EPHA3: variants seen among roughly 807,000 people sequenced by gnomAD.
EPHA3 encodes ephrin type-A receptor 3.
Under a neutral mutation model 107.1 loss-of-function variants are expected in EPHA3, and 42 were observed. That is an observed-to-expected ratio of 0.39 (90% CI 0.31 to 0.51). The LOEUF (loss-of-function observed/expected upper bound fraction) is 0.51, where lower values mean the gene tolerates loss of function less well. Ranked by LOEUF, EPHA3 falls within the 20% of genes least tolerant of loss-of-function variation. The pLI, the probability that EPHA3 is intolerant of heterozygous loss-of-function variation, is 0.78. For synonymous variants in EPHA3, 461 were observed against 424.8 expected (o/e 1.09, Z -1.05); for missense variants, 1,183 against 1,211.2 (o/e 0.98, Z 0.35).
chr3:89,153,376 C>T (rs1432453537), intron 2 of EPHA3, among the ~76,000 whole-genome samples: 1 of 151,946 alleles, frequency 6.6e-6, no homozygotes, highest in Non-Finnish European at 1.5e-5. Context: ...ATTCATATAT[C>T]CAACTTCCTT....
At chr3:89,359,284 C>T (rs1379253415) in intron 5 of EPHA3, among the ~76,000 whole-genome samples, 2 of 150,802 alleles carry the variant, frequency 1.3e-5, no homozygotes, top group African/African-American at 4.8e-5. Context: ...TCAGGTTTTA[C>T]TAGTTTGCTA....
chr3:89,473,452 T>G (rs1710445851), intron 16 of EPHA3, among the ~76,000 whole-genome samples: 1 of 152,174 alleles, frequency 6.6e-6, no homozygotes, highest in Non-Finnish European at 1.5e-5. Context: ...AGTAGAGTGT[T>G]TGGGAATTGA....
At chr3:89,188,626 C>T (rs1418736395) in intron 2 of EPHA3, among the ~76,000 whole-genome samples, 2 of 152,196 alleles carry the variant, frequency 1.3e-5, no homozygotes, top group Non-Finnish European at 2.9e-5. Context: ...TCATCATGCT[C>T]CTAAATTCCA....
chr3:89,173,784 A>G (rs1705258939), intron 2 of EPHA3, among the ~76,000 whole-genome samples: 2 of 151,996 alleles, frequency 1.3e-5, no homozygotes, highest in Admixed American at 1.3e-4. Flanking sequence ...GAGAACTAAA[A>G]CAATGTGTTT....
At chr3:89,449,524 G>C (rs542183547) in intron 14 of EPHA3, 150 bp downstream of exon 14, 11 of 603,076 alleles carry the variant, frequency 1.8e-5, no homozygotes, top group Admixed American at 1.0e-4. Flanking sequence ...GTCTTGCAAG[G>C]ATATTATATT....
chr3:89,275,395 A>T (rs920161288), intron 3 of EPHA3, among the ~76,000 whole-genome samples: 2 of 151,958 alleles, frequency 1.3e-5, no homozygotes. Context: ...CTCTACAACT[A>T]TACGTTCCCT....
At chr3:89,114,120 A>G (rs1482264276) in intron 1 of EPHA3, among the ~76,000 whole-genome samples, 3 of 152,206 alleles carry the variant, frequency 2.0e-5, no homozygotes, top group Non-Finnish European at 4.4e-5. Flanking sequence ...GCACTGTACA[A>G]ACAAACTGTT....
intron 5 of EPHA3, among the ~76,000 whole-genome samples, chr3:89,365,432 C>T (rs77426352): frequency 0.016 from 2,340 of 150,470 alleles, 65 homozygotes; most frequent in African/African-American, 0.054. Flanking sequence ...GTCATAGATA[C>T]AAAACATAAT....
chr3:89,351,646 C>A (rs1707822862), intron 5 of EPHA3, among the ~76,000 whole-genome samples: 1 of 149,734 alleles, frequency 6.7e-6, no homozygotes, highest in Admixed American at 6.7e-5. Flanking sequence ...CCTCCTGAGT[C>A]TCCATATATT....
chr3:89,262,990 T>TTA (rs1705456071), intron 3 of EPHA3, among the ~76,000 whole-genome samples: 1 of 138,786 alleles, frequency 7.2e-6, no homozygotes, highest in Non-Finnish European at 1.5e-5. Flanking sequence ...TTTTTTTTTT[T>TTA]AATTATACTT....
intron 3 of EPHA3, among the ~76,000 whole-genome samples, chr3:89,211,095 G>T (rs572504994): frequency 6.6e-6 from 1 of 151,942 alleles, no homozygotes; most frequent in African/African-American, 2.4e-5. Context: ...ATGTATACAG[G>T]CATGATTTTT....
At chr3:89,421,021 G>A (rs1709343151) in intron 11 of EPHA3, among the ~76,000 whole-genome samples, 1 of 151,336 alleles carries the variant, frequency 6.6e-6, no homozygotes, top group African/African-American at 2.4e-5. Flanking sequence ...GCTAGAGGTA[G>A]CACTGGGAAC....
chr3:89,355,160 G>C (rs1205779111), intron 5 of EPHA3, among the ~76,000 whole-genome samples: 8 of 150,696 alleles, frequency 5.3e-5, no homozygotes, highest in Admixed American at 1.3e-4. Flanking sequence ...TTTTTCCTAG[G>C]AAATAGCTTT....
At position 89,258,677 on chromosome 3, in the gene EPHA3, C is replaced by T. The variant is rs1705343362; in HGVS notation, c.814+48157C>T. ...TATAGATTTGAATTAAGTACGAAAA[C>T]AAAAGAAATACATACATTACATATA... is the stretch of plus-strand genomic sequence containing the variant. On this transcript the variant is annotated intron_variant, in intron 3 of 16. Coordinates refer to ENST00000336596, the MANE Select transcript of EPHA3 (RefSeq NM_005233.6). Among the ~76,000 whole-genome samples, 4 of 152,102 alleles carry T rather than the reference C, an allele frequency of 2.6e-5. No homozygotes were observed. The South Asian group carries it at 8.3e-4, about 32-fold the overall frequency.
chr3:89,111,556 G>T (rs1424082828), intron 1 of EPHA3, among the ~76,000 whole-genome samples: 1 of 143,238 alleles, frequency 7.0e-6, no homozygotes, highest in Non-Finnish European at 1.5e-5. Context: ...TTGCCTGAAG[G>T]TAGGAGAAAC....
At chr3:89,404,055 C>A (rs1036802707) in intron 7 of EPHA3, among the ~76,000 whole-genome samples, 3 of 151,970 alleles carry the variant, frequency 2.0e-5, no homozygotes, top group Non-Finnish European at 4.4e-5. Flanking sequence ...AAGACAACCC[C>A]AGGGATAATT....
intron 16 of EPHA3, among the ~76,000 whole-genome samples, chr3:89,473,217 G>T (rs1427035928): frequency 6.6e-6 from 1 of 152,098 alleles, no homozygotes; most frequent in East Asian, 1.9e-4. Context: ...AAGGCTTATT[G>T]CCAGATGAGA....
chr3:89,381,919 C>T (rs576696851), intron 5 of EPHA3, among the ~76,000 whole-genome samples: 1 of 152,224 alleles, frequency 6.6e-6, no homozygotes, highest in African/African-American at 2.4e-5. Flanking sequence ...CTGTAAGAAA[C>T]ATCCATTGTT....
At chr3:89,133,906 C>G (rs563541366) in intron 2 of EPHA3, among the ~76,000 whole-genome samples, 2 of 151,912 alleles carry the variant, frequency 1.3e-5, no homozygotes, top group African/African-American at 4.8e-5. Flanking sequence ...TCTTCTTGGT[C>G]GAGCCACTGA....
Sources: allele counts gnomAD v4.1 joint callset (sites outside exome capture counted in the v4.1 genomes callset), GRCh38; gene constraint gnomAD v4.1.1; transcripts MANE v1.5; gene names NCBI Gene and HGNC (gene_info 2026-07-23, HGNC 2026-07-21).